Variants in CPVL observed in about 807,000 individuals in gnomAD.
CPVL encodes the protein carboxypeptidase vitellogenic like.
A neutral mutation model predicts 63.7 loss-of-function variants in CPVL; 51 were observed. That is an observed-to-expected ratio of 0.80 (90% CI 0.64 to 1.01). CPVL has a LOEUF of 1.01. CPVL is among the 50% of genes least tolerant of loss of function. CPVL has a pLI of 0.00. For missense variants in CPVL, 530 were observed against 573.1 expected, an observed-to-expected ratio of 0.92 and a Z score of 0.77; for synonymous variants, 195 against 206.0, an observed-to-expected ratio of 0.95 and a Z score of 0.46.
chr7:28,995,389 T>C lies in CPVL; in HGVS notation c.*383A>G, dbSNP rs565553485. On this transcript the variant is annotated 3_prime_UTR_variant, in exon 13 of 13. Coordinates refer to ENST00000265394, the MANE Select transcript of CPVL (RefSeq NM_031311.5). Reference sequence around the variant, plus strand: ...AATATTTCCAAACACCTTCACGGCATGCCAAACTTCTGTTATTGGCAGAAA... The same window carrying C: ...AATATTTCCAAACACCTTCACGGCACGCCAAACTTCTGTTATTGGCAGAAA... The C allele has an allele frequency of 3.2e-4, 56 of 176,700 alleles. No homozygotes were observed. Among genetic ancestry groups the C allele is most frequent in the African/African-American group, 1.3e-3 (53 of 41,852 alleles). 10.9% of individuals were successfully genotyped at this position (176,700 alleles called of 1,614,324 possible).
intron 6 of CPVL, among the ~76,000 whole-genome samples, chr7:29,087,740 G>C (rs1368056915): frequency 6.6e-6 from 1 of 152,174 alleles, no homozygotes; most frequent in East Asian, 1.9e-4. Context: ...GGAGGATGGC[G>C]AAGTTCAAGG....
intron 12 of CPVL, among the ~76,000 whole-genome samples, chr7:28,999,206 C>T (rs1784372877): frequency 6.6e-6 from 1 of 152,062 alleles, no homozygotes; most frequent in Admixed American, 6.6e-5. Context: ...AGTGAGACTC[C>T]ACCTCAAAAA....
At chr7:29,117,023 G>A (rs1205869705) in intron 2 of CPVL, among the ~76,000 whole-genome samples, 9 of 152,094 alleles carry the variant, frequency 5.9e-5, no homozygotes, top group Admixed American at 2.6e-4. Flanking sequence ...TCAGCAAAGC[G>A]GATGAATAAA....
intron 11 of CPVL, among the ~76,000 whole-genome samples, chr7:29,053,164 A>T (rs1272734888): frequency 6.6e-6 from 1 of 152,214 alleles, no homozygotes; most frequent in South Asian, 2.1e-4. Flanking sequence ...ACAAGTGCTG[A>T]CAAGGATGTG....
At chr7:29,007,774 C>CAG (rs1554325803) in intron 12 of CPVL, among the ~76,000 whole-genome samples, 7 of 151,342 alleles carry the variant, frequency 4.6e-5, no homozygotes, top group African/African-American at 7.3e-5. Flanking sequence ...CACACACACA[C>CAG]AGTCAGAGGC....
At chr7:29,025,883 CAACA>C (rs1162745882) in intron 12 of CPVL, among the ~76,000 whole-genome samples, 2 of 152,082 alleles carry the variant, frequency 1.3e-5, no homozygotes, top group Admixed American at 6.5e-5. Flanking sequence ...TCGAGGACTT[CAACA>C]AACAGTCTCA....
chr7:29,003,154 G>GCACACA (rs535400256), intron 12 of CPVL, among the ~76,000 whole-genome samples: 1,960 of 123,718 alleles, frequency 0.016, 23 homozygotes, highest in Middle Eastern at 0.031. Flanking sequence ...ATGTGTATGT[G>GCACACA]CACACACACA....
intron 1 of CPVL, among the ~76,000 whole-genome samples, chr7:29,122,917 C>T (rs556492452): frequency 3.0e-4 from 46 of 152,170 alleles, no homozygotes; most frequent in Non-Finnish European, 6.2e-4. Context: ...CCTGACCTTG[C>T]TAAGTAGGGA....
At chr7:29,028,462 A>T (rs1787701955) in intron 12 of CPVL, among the ~76,000 whole-genome samples, 1 of 152,236 alleles carries the variant, frequency 6.6e-6, no homozygotes, top group Non-Finnish European at 1.5e-5. Flanking sequence ...CCCCAAAAGC[A>T]TAGGTGATAA....
chr7:29,108,978 A>G (rs940993652), intron 3 of CPVL, among the ~76,000 whole-genome samples: 2 of 152,156 alleles, frequency 1.3e-5, no homozygotes, highest in Non-Finnish European at 2.9e-5. Flanking sequence ...AGTTCTGCCA[A>G]TTTCTAGTTG....
At chr7:29,125,388 C>CT (rs57975250) in intron 1 of CPVL, among the ~76,000 whole-genome samples, 125 of 74,018 alleles carry the variant, frequency 1.7e-3, no homozygotes, top group Non-Finnish European at 2.4e-3. Context: ...ACTCTCCCGT[C>CT]TTTTTTTTTT....
chr7:29,159,516 A>C (rs1295526763), intron 5 of CPVL, among the ~76,000 whole-genome samples: 2 of 152,200 alleles, frequency 1.3e-5, no homozygotes, highest in African/African-American at 2.4e-5. Flanking sequence ...TTATCATGTA[A>C]CATGTATGTG....
chr7:29,132,411 T>C (rs550831911), intron 1 of CPVL, among the ~76,000 whole-genome samples: 22 of 152,306 alleles, frequency 1.4e-4, no homozygotes, highest in Admixed American at 1.0e-3. Flanking sequence ...GTAACACTGC[T>C]GGCCCCTTGC....
chr7:29,112,633 A>G (rs1321074827), intron 3 of CPVL, 71 bp downstream of exon 3: 1 of 937,696 alleles, frequency 1.1e-6, no homozygotes, highest in African/African-American at 1.6e-5. Context: ...GTAGCTCGGT[A>G]GGCTAACATT....
chr7:29,106,955 A>G (rs1787777314), intron 3 of CPVL, among the ~76,000 whole-genome samples: 1 of 149,420 alleles, frequency 6.7e-6, no homozygotes, highest in South Asian at 2.1e-4. Context: ...GGTCTCCCAT[A>G]AACTGTGGTC....
At chr7:29,019,706 C>T (rs920980443) in intron 12 of CPVL, among the ~76,000 whole-genome samples, 5 of 152,186 alleles carry the variant, frequency 3.3e-5, no homozygotes, top group Admixed American at 2.0e-4. Context: ...CATTATCAGA[C>T]GCTTGACACT....
At chr7:29,183,171 G>C (rs779426211) in intron 4 of CPVL, among the ~76,000 whole-genome samples, 1 of 147,878 alleles carries the variant, frequency 6.8e-6, no homozygotes, top group Non-Finnish European at 1.5e-5. Flanking sequence ...TGTAACCTCC[G>C]CCTCCCAGGT....
At chr7:29,116,930 C>T (rs190179604) in intron 2 of CPVL, among the ~76,000 whole-genome samples, 2 of 152,286 alleles carry the variant, frequency 1.3e-5, no homozygotes, top group South Asian at 2.1e-4. Context: ...ATAAGACTCA[C>T]GTTCCTAGGG....
chr7:29,092,497 A>C (rs1393757752), intron 6 of CPVL, 126 bp downstream of exon 6: 1 of 649,200 alleles, frequency 1.5e-6, no homozygotes, highest in Non-Finnish European at 2.7e-6. Flanking sequence ...AAATATCCTT[A>C]AATTATCTTC....
Sources: gnomAD v4.1 joint callset for allele counts (sites outside exome capture counted in the v4.1 genomes callset) on GRCh38, gnomAD v4.1.1 for gene constraint, MANE v1.5 for transcripts, NCBI Gene and HGNC (gene_info 2026-07-23, HGNC 2026-07-21) for gene names.